SEC14L1: variants seen among roughly 807,000 people sequenced by gnomAD.
The protein encoded by SEC14L1 is SEC14-like protein 1.
A neutral mutation model predicts 85.3 loss-of-function variants in SEC14L1; 48 were observed. The observed-to-expected ratio is 0.56, with a 90% CI of 0.45 to 0.72. The LOEUF is 0.72. SEC14L1 is among the 30% of genes least tolerant of loss of function. SEC14L1 has a pLI of 0.00. For synonymous variants in SEC14L1, 391 were observed against 355.5 expected (o/e 1.10, Z -1.12); for missense variants, 682 against 921.4 (o/e 0.74, Z 3.36).
At position 77,191,164 on chromosome 17, in the gene SEC14L1, T is replaced by C. The variant is rs372142510; in HGVS notation, c.214-17T>C. ...TTGTTATTAATAAACCCATTTCTCT[T>C]TCTTTTTTTTTTGAAGATTGCAGGA... On this transcript the variant is annotated splice_polypyrimidine_tract_variant and intron_variant, in intron 4 of 16. Transcript: ENST00000436233. The C allele has an allele frequency of 9.3e-6, 15 of 1,608,296 alleles. No homozygotes were observed. The highest frequency in any genetic ancestry group is 1.3e-5 in the Non-Finnish European group (15 of 1,175,758).
intron 3 of SEC14L1, among the ~76,000 whole-genome samples, chr17:77,129,629 C>A (rs1972554988): frequency 6.6e-6 from 1 of 152,122 alleles, no homozygotes. Flanking sequence ...CGTGGGAGAG[C>A]TCTGGCCTCT....
At chr17:77,170,177 A>G (rs1291228203) in intron 3 of SEC14L1, among the ~76,000 whole-genome samples, 1 of 152,160 alleles carries the variant, frequency 6.6e-6, no homozygotes, top group East Asian at 1.9e-4. Flanking sequence ...TAATAATAAG[A>G]TGTGTGGTAG....
chr17:77,205,450 C>A (rs990861113), intron 11 of SEC14L1, 104 bp downstream of exon 11: 1 of 1,011,596 alleles, frequency 9.9e-7, no homozygotes, highest in Non-Finnish European at 1.5e-6. Context: ...TTCCAAGGTG[C>A]TCTAAAAGGT....
chr17:77,208,816 A>G (rs991453209), intron 13 of SEC14L1, among the ~76,000 whole-genome samples: 4 of 152,222 alleles, frequency 2.6e-5, no homozygotes, highest in African/African-American at 4.8e-5. Flanking sequence ...TATGTTATGT[A>G]CAAGTTCTAA....
chr17:77,181,707 C>T (rs931738025), intron 3 of SEC14L1, among the ~76,000 whole-genome samples: 2 of 152,204 alleles, frequency 1.3e-5, no homozygotes, highest in Admixed American at 1.3e-4. Flanking sequence ...TGAGCCACCC[C>T]ACCCAGCTAG....
chr17:77,146,070 A>AC lies in SEC14L1; in HGVS notation c.63+2415dup, dbSNP rs1973287875. Among the ~76,000 whole-genome samples the AC allele has an allele frequency of 1.3e-5, 2 of 151,844 alleles. 1 individual carries two copies. Among genetic ancestry groups the AC allele is most frequent in the South Asian group, 4.2e-4 (2 of 4,798 alleles). On this transcript the variant is annotated intron_variant, in intron 3 of 16. Coordinates refer to ENST00000436233, the MANE Select transcript of SEC14L1 (RefSeq NM_001143998.2). ...AGAAACTTGATCTAGTTCATTCCCC[A>AC]CCCCGACCCCTGCCCTGGTCCTGGG...
At chr17:77,208,583 G>A (rs1976584334) in intron 13 of SEC14L1, among the ~76,000 whole-genome samples, 1 of 152,166 alleles carries the variant, frequency 6.6e-6, no homozygotes, top group Non-Finnish European at 1.5e-5. Flanking sequence ...TTGTTGAAAG[G>A]AGGTTGTTCC....
rs1389200658 is a variant in SEC14L1 at position 77,143,602 on chromosome 17, G to A, written c.6G>A (p.Val2=). 6.2e-7 allele frequency: 1 copy of A among 1,613,124 alleles called. No homozygotes were observed. The highest frequency in any genetic ancestry group is 2.2e-5 in the East Asian group (1 of 44,870). Residue 2 remains valine, a synonymous_variant, in exon 3 of 17, where the codon GTG becomes GTA. Coordinates refer to ENST00000436233, the MANE Select transcript of SEC14L1 (RefSeq NM_001143998.2). Reference sequence around the variant, plus strand: ...GTTGCTGTTGTATTGCAATCATGGTGCAGAAATACCAGTCCCCAGTGAGGG... The same window carrying A: ...GTTGCTGTTGTATTGCAATCATGGTACAGAAATACCAGTCCCCAGTGAGGG... M[V]QKYQSPVRVY... is the part of the protein sequence containing the mutation.
chr17:77,153,409 T>C (rs966627643), intron 3 of SEC14L1, among the ~76,000 whole-genome samples: 1 of 152,218 alleles, frequency 6.6e-6, no homozygotes, highest in African/African-American at 2.4e-5. Context: ...TGGAAACTAA[T>C]AGTTAAAACC....
intron 3 of SEC14L1, among the ~76,000 whole-genome samples, chr17:77,144,092 C>T (rs1214958391): frequency 1.3e-5 from 2 of 152,060 alleles, no homozygotes; most frequent in African/African-American, 2.4e-5. Context: ...GTTTTACTCA[C>T]GATTCAAATG....
Position 77,216,419 on chromosome 17 carries a change from GTTC to G in SEC14L1, c.*2397_*2399del. ...CTAGTAGGTAGGGTTCGTAGGTAGG[GTTC>G]GTAGGTAGGGTTCGTAGGTAGGGTT... On this transcript the variant is annotated 3_prime_UTR_variant, in exon 17 of 17. Transcript: ENST00000436233. The G allele has an allele frequency of 6.4e-7, 1 of 1,563,670 alleles. No individual in the cohort carries two copies. Among genetic ancestry groups the G allele is most frequent in the South Asian group, 1.2e-5 (1 of 83,314 alleles).
intron 3 of SEC14L1, among the ~76,000 whole-genome samples, chr17:77,114,372 A>G (rs906232770): frequency 1.3e-5 from 2 of 151,748 alleles, no homozygotes; most frequent in Non-Finnish European, 2.9e-5. Context: ...AAAAATACAA[A>G]AATTAGCTGG....
At chr17:77,209,624 AGTTT>A in intron 14 of SEC14L1, 148 bp downstream of exon 14, 1 of 804,434 alleles carries the variant, frequency 1.2e-6, no homozygotes, top group Non-Finnish European at 1.9e-6. Context: ...CTCGATATTT[AGTTT>A]CAGTAAATGT....
At chr17:77,098,813 T>C (rs1263786148) in intron 3 of SEC14L1, among the ~76,000 whole-genome samples, 1 of 152,176 alleles carries the variant, frequency 6.6e-6, no homozygotes, top group East Asian at 1.9e-4. Context: ...GAACACTACT[T>C]CTACACTAGC....
At chr17:77,143,085 T>C (rs542633395) in intron 2 of SEC14L1, among the ~76,000 whole-genome samples, 1 of 149,950 alleles carries the variant, frequency 6.7e-6, no homozygotes, top group Non-Finnish European at 1.5e-5. Flanking sequence ...GAGTATTCCA[T>C]AGTTTGAGAT....
chr17:77,118,758 A>T (rs568756480), intron 3 of SEC14L1, among the ~76,000 whole-genome samples: 25 of 152,348 alleles, frequency 1.6e-4, no homozygotes, highest in Admixed American at 1.4e-3. Flanking sequence ...CGGTGCACCT[A>T]GAAGCTGCTG....
rs536814646 is a variant in SEC14L1 at position 77,167,449 on chromosome 17, A to G, written c.64-23354A>G. On this transcript the variant is annotated intron_variant, in intron 3 of 16. Coordinates refer to ENST00000436233, the MANE Select transcript of SEC14L1 (RefSeq NM_001143998.2). ...TGCGCCTGGCCAGTTTTCTTATACC[A>G]TGAGCACAATAGGTTTTTACCTTTG... 5.9e-5 allele frequency among the ~76,000 whole-genome samples: 9 copies of G among 152,220 alleles called. No homozygotes were observed. In the South Asian group the frequency reaches 1.5e-3, roughly 25 times the overall value.
At chr17:77,178,781 C>T (rs1460723181) in intron 3 of SEC14L1, among the ~76,000 whole-genome samples, 3 of 152,210 alleles carry the variant, frequency 2.0e-5, no homozygotes, top group African/African-American at 7.2e-5. Flanking sequence ...GGAGCTCAGG[C>T]AGTAATGCTG....
At chr17:77,183,287 T>C (rs966708391) in intron 3 of SEC14L1, among the ~76,000 whole-genome samples, 3 of 152,270 alleles carry the variant, frequency 2.0e-5, no homozygotes, top group East Asian at 3.8e-4. Context: ...AGAAAAGTAC[T>C]GTGAACACCT....
Sources: allele counts gnomAD v4.1 joint callset (sites outside exome capture counted in the v4.1 genomes callset), GRCh38; gene constraint gnomAD v4.1.1; transcripts MANE v1.5; gene names NCBI Gene and HGNC (gene_info 2026-07-23, HGNC 2026-07-21).